ANO4: variants seen among roughly 807,000 people sequenced by gnomAD.
ANO4 encodes anoctamin 4, also known as anoctamin-4.
ANO4 carries 69 observed loss-of-function variants against 141.9 expected under a neutral mutation model. The observed-to-expected ratio is 0.49, with a 90% CI of 0.40 to 0.59. ANO4 has a LOEUF of 0.59. Among genes scored for constraint, ANO4 ranks in the 20% least tolerant of loss-of-function variants. ANO4 has a pLI of 0.00. For missense variants in ANO4, 894 were observed against 1,162.2 expected, an observed-to-expected ratio of 0.77 and a Z score of 3.36; for synonymous variants, 350 against 394.3, an observed-to-expected ratio of 0.89 and a Z score of 1.33.
chr12:100,861,806 A>G (rs1386950358), intron 1 of ANO4, among the ~76,000 whole-genome samples: 2 of 152,204 alleles, frequency 1.3e-5, no homozygotes, highest in Non-Finnish European at 2.9e-5. Flanking sequence ...CTTTCATTGC[A>G]TTCTTATTCT....
intron 3 of ANO4, among the ~76,000 whole-genome samples, chr12:100,787,824 T>C (rs1358138967): frequency 6.6e-6 from 1 of 152,160 alleles, no homozygotes. Context: ...TAGATAGCGA[T>C]GCATTTACAT....
intron 3 of ANO4, among the ~76,000 whole-genome samples, chr12:100,789,418 A>G (rs990323277): frequency 6.6e-6 from 1 of 152,202 alleles, no homozygotes; most frequent in African/African-American, 2.4e-5. Flanking sequence ...AAAATTTGCA[A>G]TGGCTTTTTT....
intron 3 of ANO4, among the ~76,000 whole-genome samples, chr12:100,745,714 A>T (rs1319654002): frequency 6.6e-6 from 1 of 152,246 alleles, no homozygotes; most frequent in Non-Finnish European, 1.5e-5. Flanking sequence ...TCCTGCTTTA[A>T]GATAATAGAA....
chr12:100,922,357 G>T, intron 3 of ANO4, 27 bp downstream of exon 3: 1 of 1,472,070 alleles, frequency 6.8e-7, no homozygotes, highest in Non-Finnish European at 9.1e-7. Context: ...TTTTAAATTC[G>T]CCGTGAGAGA....
At chr12:100,852,180 C>T (rs1201521149) in intron 1 of ANO4, among the ~76,000 whole-genome samples, 1 of 152,166 alleles carries the variant, frequency 6.6e-6, no homozygotes, top group African/African-American at 2.4e-5. Context: ...TATGTATACC[C>T]TCCTTCCTTT....
At chr12:100,812,886 G>T (rs1389393262) in intron 1 of ANO4, among the ~76,000 whole-genome samples, 1 of 152,208 alleles carries the variant, frequency 6.6e-6, no homozygotes, top group African/African-American at 2.4e-5. Context: ...AAAGCAGTCG[G>T]CAAGGTTCTG....
chr12:101,055,696 T>A (rs2048087346), intron 14 of ANO4, among the ~76,000 whole-genome samples: 1 of 152,134 alleles, frequency 6.6e-6, no homozygotes, highest in African/African-American at 2.4e-5. Context: ...ATTTAAATTT[T>A]CTTCTGCACT....
At chr12:101,113,891 G>A (rs2050754364) in intron 24 of ANO4, among the ~76,000 whole-genome samples, 1 of 152,118 alleles carries the variant, frequency 6.6e-6, no homozygotes, top group Non-Finnish European at 1.5e-5. Flanking sequence ...AATCCAAATG[G>A]CACTACCCTG....
intron 15 of ANO4, among the ~76,000 whole-genome samples, chr12:101,081,516 A>G (rs1200161151): frequency 3.3e-5 from 5 of 152,202 alleles, no homozygotes; most frequent in African/African-American, 1.2e-4. Flanking sequence ...CTACATACGT[A>G]GCCATTCCCA....
intron 3 of ANO4, among the ~76,000 whole-genome samples, chr12:100,743,649 A>G (rs942044366): frequency 1.3e-5 from 2 of 152,200 alleles, no homozygotes; most frequent in African/African-American, 2.4e-5. Context: ...ATTAAAATGG[A>G]AATAACTCCT....
At chr12:101,068,403 T>G in intron 14 of ANO4, 1 of 956,920 alleles carries the variant, frequency 1.0e-6, no homozygotes, top group Non-Finnish European at 1.7e-6. Context: ...AAATAAGAAC[T>G]GGAAGCTGAG....
chr12:101,121,196 T>C (rs944273647), intron 26 of ANO4, among the ~76,000 whole-genome samples: 1 of 152,174 alleles, frequency 6.6e-6, no homozygotes, highest in Non-Finnish European at 1.5e-5. Flanking sequence ...TAGTATTCAA[T>C]AGGTAGTTAT....
intron 2 of ANO4, among the ~76,000 whole-genome samples, chr12:100,919,282 G>T (rs1487729054): frequency 6.6e-6 from 1 of 152,156 alleles, no homozygotes; most frequent in South Asian, 2.1e-4. Context: ...ATGTGCAATA[G>T]TATTTTAGGC....
chr12:101,024,504 G>A (rs373426480), intron 9 of ANO4, among the ~76,000 whole-genome samples: 4 of 152,006 alleles, frequency 2.6e-5, no homozygotes, highest in African/African-American at 4.8e-5. Context: ...GCTGAGGCAC[G>A]AGAATTGCTT....
At chr12:100,819,039 A>G (rs1299537901) in intron 1 of ANO4, among the ~76,000 whole-genome samples, 3 of 150,478 alleles carry the variant, frequency 2.0e-5, no homozygotes, top group Non-Finnish European at 4.4e-5. Context: ...ATGTGTGTAT[A>G]TATATATGTG....
At chr12:101,089,731 G>A (rs2049672769) in intron 17 of ANO4, among the ~76,000 whole-genome samples, 1 of 152,162 alleles carries the variant, frequency 6.6e-6, no homozygotes, top group Non-Finnish European at 1.5e-5. Context: ...GGCAACAAAA[G>A]CCAAAATTGA....
chr12:101,023,245 G>T (rs1365683126), intron 9 of ANO4, among the ~76,000 whole-genome samples: 1 of 152,214 alleles, frequency 6.6e-6, no homozygotes, highest in Non-Finnish European at 1.5e-5. Flanking sequence ...GAAGGACAGA[G>T]ACAGTGATTT....
chr12:101,048,226 C>T (rs2047709395), intron 13 of ANO4, 115 bp from the exon 14 acceptor site: 2 of 1,252,150 alleles, frequency 1.6e-6, no homozygotes, highest in Admixed American at 2.3e-5. Context: ...CTACCCAAAA[C>T]AAAGCCTGTA....
intron 1 of ANO4, among the ~76,000 whole-genome samples, chr12:100,874,655 A>T (rs904188908): frequency 6.6e-6 from 1 of 151,956 alleles, no homozygotes; most frequent in Non-Finnish European, 1.5e-5. Flanking sequence ...AAGTAGATGG[A>T]ATTACAGGTA....
Sources: gnomAD v4.1 joint callset for allele counts (sites outside exome capture counted in the v4.1 genomes callset) on GRCh38, gnomAD v4.1.1 for gene constraint, MANE v1.5 for transcripts, NCBI Gene and HGNC (gene_info 2026-07-23, HGNC 2026-07-21) for gene names.